The following TANC2 variants were observed in gnomAD, a reference collection of about 807,000 sequenced individuals.
TANC2 encodes the protein tetratricopeptide repeat, ankyrin repeat and coiled-coil containing 2.
In TANC2, 26 loss-of-function variants were observed where a neutral mutation model predicts 210.5. The observed-to-expected ratio is 0.12, with a 90% CI of 0.09 to 0.17. The LOEUF (loss-of-function observed/expected upper bound fraction) is 0.17. Among genes scored for constraint, TANC2 ranks in the 10% least tolerant of loss-of-function variants. The probability of loss-of-function intolerance (pLI) is 1.00; values close to 1 mark genes in which losing one functional copy is unlikely to be tolerated. For synonymous variants in TANC2, 931 were observed against 967.1 expected (o/e 0.96, Z 0.69); for missense variants, 2,129 against 2,608.9 (o/e 0.82, Z 4.01).
At chr17:63,091,391 G>A (rs1429290294) in intron 3 of TANC2, among the ~76,000 whole-genome samples, 2 of 152,098 alleles carry the variant, frequency 1.3e-5, no homozygotes, top group African/African-American at 2.4e-5. Context: ...TTTTGTATAA[G>A]GTGAAAGGAA....
intron 15 of TANC2, among the ~76,000 whole-genome samples, chr17:63,386,548 T>C (rs1476742466): frequency 6.6e-6 from 1 of 152,178 alleles, no homozygotes; most frequent in African/African-American, 2.4e-5. Flanking sequence ...CATGAGAGCT[T>C]TACTATACTA....
At chr17:63,282,706 CTT>C (rs2044096460) in intron 9 of TANC2, among the ~76,000 whole-genome samples, 1 of 152,034 alleles carries the variant, frequency 6.6e-6, no homozygotes, top group Non-Finnish European at 1.5e-5. Context: ...CGTGGTCAAT[CTT>C]TTAAACTTTT....
chr17:63,053,020 G>A (rs1423289318), intron 2 of TANC2, among the ~76,000 whole-genome samples: 1 of 152,144 alleles, frequency 6.6e-6, no homozygotes, highest in Non-Finnish European at 1.5e-5. Flanking sequence ...CTGACCTCTG[G>A]TTTTTATGAT....
chr17:63,359,381 T>A (rs2046888883), intron 14 of TANC2, among the ~76,000 whole-genome samples: 1 of 150,190 alleles, frequency 6.7e-6, no homozygotes, highest in Admixed American at 6.6e-5. Context: ...GAGTGTCCTG[T>A]CACCCAGGCT....
chr17:62,983,423 G>A (rs2032408397), intron 1 of TANC2, among the ~76,000 whole-genome samples: 1 of 151,964 alleles, frequency 6.6e-6, no homozygotes, highest in South Asian at 2.1e-4. Flanking sequence ...AACAGGTTCA[G>A]TTTGACTTTC....
At chr17:63,356,709 TCC>T (rs2046791251) in intron 14 of TANC2, among the ~76,000 whole-genome samples, 1 of 152,216 alleles carries the variant, frequency 6.6e-6, no homozygotes, top group African/African-American at 2.4e-5. Flanking sequence ...TGCATATAAA[TCC>T]TGCCTCTTCT....
In TANC2 at chr17:63,188,336, G is replaced by A. The variant is rs1374395779; in HGVS notation, c.434-5655G>A. Among the ~76,000 whole-genome samples the A allele has an allele frequency of 3.3e-5, 5 of 151,592 alleles. No individual in the cohort carries two copies. The South Asian group carries it at 6.3e-4, about 19-fold the overall frequency. ...AAAAAATCTGGCTGGGTGCAGTGGC[G>A]TAGTCCCAGCACTTTGAGAGGCCTA... is the stretch of plus-strand genomic sequence containing the variant. On this transcript the variant is annotated intron_variant, in intron 5 of 27. Transcript: ENST00000689528.
intron 8 of TANC2, among the ~76,000 whole-genome samples, chr17:63,240,328 G>T (rs532529971): frequency 8.5e-5 from 13 of 152,154 alleles, no homozygotes; most frequent in Non-Finnish European, 1.6e-4. Flanking sequence ...TATGTAGTCA[G>T]TCTGAATGAA....
chr17:63,138,826 C>T (rs959028789), intron 4 of TANC2, among the ~76,000 whole-genome samples: 4 of 152,218 alleles, frequency 2.6e-5, no homozygotes, highest in Non-Finnish European at 5.9e-5. Context: ...AATACAGTAA[C>T]TACAGCTTTT....
At chr17:63,020,385 T>C (rs2034297263) in intron 2 of TANC2, among the ~76,000 whole-genome samples, 1 of 152,072 alleles carries the variant, frequency 6.6e-6, no homozygotes, top group South Asian at 2.1e-4. Context: ...CTAACTGCAG[T>C]CTTAAACTCC....
intron 2 of TANC2, among the ~76,000 whole-genome samples, chr17:63,042,361 T>G (rs1270389375): frequency 1.3e-5 from 2 of 152,122 alleles, no homozygotes; most frequent in Non-Finnish European, 2.9e-5. Context: ...GTCAACTATA[T>G]TTTGTAGTTT....
At chr17:63,166,276 G>A (rs2040206037) in intron 5 of TANC2, among the ~76,000 whole-genome samples, 1 of 152,018 alleles carries the variant, frequency 6.6e-6, no homozygotes, top group Non-Finnish European at 1.5e-5. Flanking sequence ...GGAAGAGTTT[G>A]TAATGTCATA....
At chr17:63,053,332 C>T (rs1369321756) in intron 2 of TANC2, among the ~76,000 whole-genome samples, 1 of 152,250 alleles carries the variant, frequency 6.6e-6, no homozygotes, top group South Asian at 2.1e-4. Flanking sequence ...AGAGACCATG[C>T]TAAACCATTT....
chr17:63,004,321 A>T (rs1230365946), intron 1 of TANC2, among the ~76,000 whole-genome samples: 1 of 152,164 alleles, frequency 6.6e-6, no homozygotes, highest in Non-Finnish European at 1.5e-5. Flanking sequence ...TTTGGGCCTA[A>T]GGAGTTAAGT....
chr17:63,323,972 C>T (rs569508092), intron 11 of TANC2, among the ~76,000 whole-genome samples: 3 of 152,270 alleles, frequency 2.0e-5, no homozygotes, highest in South Asian at 2.1e-4. Flanking sequence ...AACCACTGCA[C>T]GAAGCTGCTT....
chr17:63,175,418 T>G (rs1458986793), intron 5 of TANC2, among the ~76,000 whole-genome samples: 1 of 151,306 alleles, frequency 6.6e-6, no homozygotes, highest in Non-Finnish European at 1.5e-5. Flanking sequence ...TCTCAGCTAT[T>G]CAAGAGGCTA....
At chr17:63,328,473 T>A (rs1301638963) in intron 11 of TANC2, among the ~76,000 whole-genome samples, 1 of 152,002 alleles carries the variant, frequency 6.6e-6, no homozygotes, top group Non-Finnish European at 1.5e-5. Flanking sequence ...GGAAATCCTG[T>A]CTTTTGCAAG....
At chr17:62,979,738 T>C (rs532639079) in intron 1 of TANC2, among the ~76,000 whole-genome samples, 8 of 152,248 alleles carry the variant, frequency 5.3e-5, no homozygotes, top group South Asian at 4.2e-4. Flanking sequence ...AGTGAGACTT[T>C]GTATCCACAA....
At chr17:62,995,944 T>G (rs1360999001) in intron 1 of TANC2, among the ~76,000 whole-genome samples, 1 of 152,212 alleles carries the variant, frequency 6.6e-6, no homozygotes, top group Non-Finnish European at 1.5e-5. Context: ...CTTCCAAAGT[T>G]ATGTCCTAGA....
Sources: allele counts gnomAD v4.1 joint callset (sites outside exome capture counted in the v4.1 genomes callset), GRCh38; gene constraint gnomAD v4.1.1; transcripts MANE v1.5; gene names NCBI Gene and HGNC (gene_info 2026-07-23, HGNC 2026-07-21).